NTM: variants seen among roughly 807,000 people sequenced by gnomAD.
NTM encodes neurotrimin.
A neutral mutation model predicts 42.1 loss-of-function variants in NTM; 13 were observed. That is an observed-to-expected ratio of 0.31 (90% CI 0.20 to 0.49). NTM has a LOEUF of 0.49. NTM is among the 20% of genes least tolerant of loss of function. The pLI is 0.99. For missense variants in NTM, 373 were observed against 452.8 expected, an observed-to-expected ratio of 0.82 and a Z score of 1.60; for synonymous variants, 187 against 179.2, an observed-to-expected ratio of 1.04 and a Z score of -0.35.
chr11:131,769,127 A>T (rs2085622965), intron 1 of NTM, among the ~76,000 whole-genome samples: 1 of 152,354 alleles, frequency 6.6e-6, no homozygotes, highest in East Asian at 1.9e-4. Flanking sequence ...GCAACAGGCT[A>T]TTAAGCATCC....
chr11:131,812,777 G>C (rs1039209219), intron 1 of NTM, among the ~76,000 whole-genome samples: 2 of 152,174 alleles, frequency 1.3e-5, no homozygotes, highest in African/African-American at 4.8e-5. Context: ...CCGAAGTGGA[G>C]AGGGAAGATG....
chr11:132,286,599 GAATTTTTGATACTTC>G (rs2094244735), intron 4 of NTM, among the ~76,000 whole-genome samples: 1 of 152,040 alleles, frequency 6.6e-6, no homozygotes, highest in Non-Finnish European at 1.5e-5. Flanking sequence ...GTTGCTACTA[GAATTTTTGATACTTC>G]TGATACTCAA....
intron 2 of NTM, among the ~76,000 whole-genome samples, chr11:131,998,809 G>A (rs1024706934): frequency 1.3e-5 from 2 of 152,076 alleles, no homozygotes; most frequent in Admixed American, 6.5e-5. Context: ...GATCGGTGGG[G>A]ATGCCATTCT....
At chr11:132,130,275 T>C (rs560804214) in intron 2 of NTM, among the ~76,000 whole-genome samples, 2 of 152,162 alleles carry the variant, frequency 1.3e-5, no homozygotes, top group South Asian at 4.2e-4. Context: ...GGTTCAGCTT[T>C]GTTAGGGAGA....
chr11:131,707,213 T>G (rs2135250525), intron 1 of NTM, among the ~76,000 whole-genome samples: 1 of 152,180 alleles, frequency 6.6e-6, no homozygotes, highest in African/African-American at 2.4e-5. Flanking sequence ...CAAGTTCAAC[T>G]TTTTAAGATT....
At chr11:131,973,830 C>T (rs953144218) in intron 2 of NTM, among the ~76,000 whole-genome samples, 6 of 151,968 alleles carry the variant, frequency 3.9e-5, no homozygotes, top group African/African-American at 9.7e-5. Flanking sequence ...AAAACAACAA[C>T]GAAAAAAGAA....
At chr11:132,065,737 G>T (rs755920583) in intron 2 of NTM, among the ~76,000 whole-genome samples, 6 of 152,088 alleles carry the variant, frequency 3.9e-5, no homozygotes, top group Non-Finnish European at 7.4e-5. Context: ...TCTGTTACTG[G>T]GTACTTGGTT....
intron 1 of NTM, among the ~76,000 whole-genome samples, chr11:131,490,900 C>CTA (rs1474960779): frequency 6.6e-6 from 1 of 152,214 alleles, no homozygotes; most frequent in Non-Finnish European, 1.5e-5. Flanking sequence ...CACATCCTGT[C>CTA]TATGCATATT....
intron 1 of NTM, among the ~76,000 whole-genome samples, chr11:131,420,857 C>A (rs567460073): frequency 6.6e-6 from 1 of 152,120 alleles, no homozygotes; most frequent in African/African-American, 2.4e-5. Context: ...TCTTTAGAAC[C>A]AGCATTTGTT....
At chr11:131,572,338 A>G (rs2057522524) in intron 1 of NTM, among the ~76,000 whole-genome samples, 1 of 152,156 alleles carries the variant, frequency 6.6e-6, no homozygotes, top group Non-Finnish European at 1.5e-5. Flanking sequence ...GATACAGAGA[A>G]CAATTTAAGA....
chr11:132,279,335 T>G (rs2093873456), intron 4 of NTM, among the ~76,000 whole-genome samples: 1 of 152,220 alleles, frequency 6.6e-6, no homozygotes, highest in African/African-American at 2.4e-5. Context: ...TCTTTAGACT[T>G]GGCCTCTGCT....
chr11:131,838,657 G>T (rs11222813), intron 1 of NTM, among the ~76,000 whole-genome samples: 1 of 152,090 alleles, frequency 6.6e-6, no homozygotes, highest in African/African-American at 2.4e-5. Context: ...TTGTGTGTGC[G>T]TACAATGTCA....
At chr11:132,090,399 T>C (rs1374791258) in intron 2 of NTM, among the ~76,000 whole-genome samples, 3 of 152,128 alleles carry the variant, frequency 2.0e-5, no homozygotes, top group Non-Finnish European at 2.9e-5. Context: ...TCAGACCTCC[T>C]GTACCCAGGG....
intron 7 of NTM, among the ~76,000 whole-genome samples, chr11:132,316,485 G>A (rs2095433076): frequency 6.6e-6 from 1 of 152,156 alleles, no homozygotes; most frequent in African/African-American, 2.4e-5. Context: ...AAAAGGACAT[G>A]GAAAAGTAGT....
At chr11:131,944,634 T>A (rs2060157307) in intron 2 of NTM, among the ~76,000 whole-genome samples, 1 of 152,220 alleles carries the variant, frequency 6.6e-6, no homozygotes, top group Admixed American at 6.5e-5. Context: ...ATGCACTTCA[T>A]CTCCTCCTGT....
chr11:131,586,166 T>G (rs2058840586), intron 1 of NTM, among the ~76,000 whole-genome samples: 1 of 152,084 alleles, frequency 6.6e-6, no homozygotes, highest in African/African-American at 2.4e-5. Context: ...AGTGCAGTGG[T>G]GCAATCACAG....
chr11:132,195,624 A>G (rs1004474575), intron 3 of NTM, among the ~76,000 whole-genome samples: 4 of 152,180 alleles, frequency 2.6e-5, no homozygotes, highest in African/African-American at 9.7e-5. Flanking sequence ...GACCAACAGA[A>G]CAGGATAGAG....
intron 1 of NTM, among the ~76,000 whole-genome samples, chr11:131,519,124 C>A (rs376461443): frequency 6.6e-6 from 1 of 152,216 alleles, no homozygotes; most frequent in African/African-American, 2.4e-5. Flanking sequence ...GAATCAGATG[C>A]GCTCTCCTCA....
rs541558157 is a variant in NTM at position 131,895,690 on chromosome 11, A to ATG, written c.83-15862_83-15861dup. On this transcript the variant is annotated intron_variant, in intron 1 of 8. Transcript: ENST00000683400. ...TTATATATGTGAAATATACATATAT[A>ATG]TGTGTGTGTGTGTATATATATACAT... Among the ~76,000 whole-genome samples the ATG allele has an allele frequency of 9.5e-3, 1,442 of 151,876 alleles. 25 individuals carry two copies. Among genetic ancestry groups the ATG allele is most frequent in the African/African-American group, 0.032 (1,341 of 41,430 alleles).
Sources: allele counts gnomAD v4.1 joint callset (sites outside exome capture counted in the v4.1 genomes callset), GRCh38; gene constraint gnomAD v4.1.1; transcripts MANE v1.5; gene names NCBI Gene and HGNC (gene_info 2026-07-23, HGNC 2026-07-21).